MYRIP: variants seen among roughly 807,000 people sequenced by gnomAD.
MYRIP encodes the protein myosin VIIA and Rab interacting protein, also known as rab effector MyRIP.
MYRIP carries 49 observed loss-of-function variants against 98.0 expected under a neutral mutation model. The observed-to-expected ratio is 0.50, with a 90% CI of 0.40 to 0.63. The LOEUF (loss-of-function observed/expected upper bound fraction) is 0.63, where lower values mean the gene tolerates loss of function less well. MYRIP is among the 30% of genes least tolerant of loss of function. MYRIP has a pLI of 0.00. For synonymous variants in MYRIP, 404 were observed against 409.5 expected (o/e 0.99, Z 0.16); for missense variants, 1,004 against 1,058.2 (o/e 0.95, Z 0.71).
chr3:40,145,615 G>T (rs1194104827), intron 3 of MYRIP, among the ~76,000 whole-genome samples: 1 of 152,158 alleles, frequency 6.6e-6, no homozygotes, highest in African/African-American at 2.4e-5. Flanking sequence ...TCACACCATG[G>T]GTGGGAAGTG....
chr3:40,212,604 A>G (rs1951995477), intron 11 of MYRIP, among the ~76,000 whole-genome samples: 1 of 152,078 alleles, frequency 6.6e-6, no homozygotes, highest in African/African-American at 2.4e-5. Flanking sequence ...ACCCATCTCT[A>G]CTAAAAAATT....
At chr3:39,993,723 T>C (rs898573255) in intron 2 of MYRIP, among the ~76,000 whole-genome samples, 33 of 152,206 alleles carry the variant, frequency 2.2e-4, no homozygotes, top group African/African-American at 6.5e-4. Flanking sequence ...TACTTCTCTG[T>C]CTTCCCCCTT....
intron 1 of MYRIP, among the ~76,000 whole-genome samples, chr3:39,832,446 T>C (rs1185775543): frequency 6.6e-5 from 10 of 152,168 alleles, no homozygotes; most frequent in Admixed American, 6.6e-4. Flanking sequence ...TCAAAAAAGC[T>C]TTTTGGACTT....
chr3:40,056,524 C>T (rs1947888638), intron 3 of MYRIP, among the ~76,000 whole-genome samples: 1 of 152,174 alleles, frequency 6.6e-6, no homozygotes, highest in Admixed American at 6.6e-5. Context: ...TGTTTCCCAG[C>T]TGCTGTAGGG....
rs1491206086 is a variant in MYRIP at position 40,212,126 on chromosome 3, ACG to A, written c.1905+2034_1905+2035del. On this transcript the variant is annotated intron_variant, in intron 11 of 16. Transcript: ENST00000302541. Reference sequence around the variant, plus strand: ...TGTGTATATATATATACATATATATACGTGTATATATATATACATATATATAC... The same window carrying A: ...TGTGTATATATATATACATATATATATGTATATATATATACATATATATAC... 1.5e-4 allele frequency among the ~76,000 whole-genome samples: 3 copies of A among 20,224 alleles called. 1 individual carries two copies. The highest frequency in any genetic ancestry group is 3.2e-4 in the African/African-American group (3 of 9,426). 13.3% of individuals were successfully genotyped at this position (20,224 alleles called of 152,430 possible).
At chr3:40,160,697 T>C (rs1461298050) in intron 4 of MYRIP, among the ~76,000 whole-genome samples, 3 of 152,212 alleles carry the variant, frequency 2.0e-5, no homozygotes, top group Non-Finnish European at 4.4e-5. Flanking sequence ...AATCTCCTAG[T>C]GCGCCATTTT....
chr3:39,952,715 G>A (rs1945054572), intron 2 of MYRIP, among the ~76,000 whole-genome samples: 1 of 152,164 alleles, frequency 6.6e-6, no homozygotes, highest in Non-Finnish European at 1.5e-5. Context: ...TGAAGGATTG[G>A]TAGTAATGAA....
chr3:40,189,611 T>C (rs1951143570), intron 9 of MYRIP, among the ~76,000 whole-genome samples: 1 of 152,216 alleles, frequency 6.6e-6, no homozygotes, highest in South Asian at 2.1e-4. Flanking sequence ...TTTCTCTGCA[T>C]CTGTGAAGCA....
At chr3:39,903,310 A>G (rs9878141) in intron 2 of MYRIP, among the ~76,000 whole-genome samples, 2,781 of 152,324 alleles carry the variant, frequency 0.018, 83 homozygotes, top group African/African-American at 0.063. Flanking sequence ...GTATTTTAGA[A>G]TTATAGAAAG....
At chr3:40,192,309 C>CATATATATATATGACATATATATAT (rs1951238964) in intron 10 of MYRIP, among the ~76,000 whole-genome samples, 6 of 57,954 alleles carry the variant, frequency 1.0e-4, no homozygotes, top group Non-Finnish European at 1.4e-4. Flanking sequence ...TAGTTTTCTT[C>CATATATATATATGACATATATATAT]ATATATATAT....
intron 10 of MYRIP, among the ~76,000 whole-genome samples, chr3:40,196,621 A>T (rs548431304): frequency 6.6e-6 from 1 of 152,344 alleles, no homozygotes; most frequent in South Asian, 2.1e-4. Flanking sequence ...ATGATTTAAT[A>T]AATGATCAGT....
chr3:40,022,015 G>A (rs1250368643), intron 2 of MYRIP, among the ~76,000 whole-genome samples: 1 of 152,206 alleles, frequency 6.6e-6, no homozygotes, highest in Admixed American at 6.5e-5. Context: ...AGGAAGAATT[G>A]ATCAAATGTT....
chr3:40,132,158 T>C (rs967209078), intron 3 of MYRIP, among the ~76,000 whole-genome samples: 4 of 152,032 alleles, frequency 2.6e-5, no homozygotes, highest in Admixed American at 6.5e-5. Flanking sequence ...AGACACCAAG[T>C]AATAAGGTAA....
intron 8 of MYRIP, among the ~76,000 whole-genome samples, chr3:40,181,084 CTTTCTT>C (rs1160086963): frequency 6.6e-6 from 1 of 152,154 alleles, no homozygotes; most frequent in African/African-American, 2.4e-5. Context: ...TGCTGTCTTT[CTTTCTT>C]TGTTATTCTC....
At chr3:40,017,693 CTTTTT>C (rs904657247) in intron 2 of MYRIP, among the ~76,000 whole-genome samples, 35 of 114,772 alleles carry the variant, frequency 3.0e-4, no homozygotes, top group African/African-American at 1.1e-3. Flanking sequence ...TAATTTACTT[CTTTTT>C]TTTTTTTTTT....
chr3:40,118,527 T>G (rs1463544426), intron 3 of MYRIP, among the ~76,000 whole-genome samples: 1 of 151,930 alleles, frequency 6.6e-6, no homozygotes, highest in Non-Finnish European at 1.5e-5. Context: ...TAAACAGGAA[T>G]GAGGAAACTT....
At chr3:40,132,195 T>TA (rs1203648281) in intron 3 of MYRIP, among the ~76,000 whole-genome samples, 2 of 152,012 alleles carry the variant, frequency 1.3e-5, no homozygotes, top group Non-Finnish European at 2.9e-5. Flanking sequence ...AAAAAAGACT[T>TA]AGAGGGTTTA....
intron 10 of MYRIP, among the ~76,000 whole-genome samples, chr3:40,194,966 C>A (rs1951347801): frequency 6.6e-6 from 1 of 152,154 alleles, no homozygotes; most frequent in African/African-American, 2.4e-5. Flanking sequence ...CTTAGCTATT[C>A]CAGATAGATA....
chr3:39,888,191 A>G (rs1234567654), intron 1 of MYRIP, among the ~76,000 whole-genome samples: 2 of 152,148 alleles, frequency 1.3e-5, no homozygotes, highest in African/African-American at 4.8e-5. Flanking sequence ...TAAAGTTCAT[A>G]TGGAACCAAA....
Sources: gnomAD v4.1 joint callset for allele counts (sites outside exome capture counted in the v4.1 genomes callset) on GRCh38, gnomAD v4.1.1 for gene constraint, MANE v1.5 for transcripts, NCBI Gene and HGNC (gene_info 2026-07-23, HGNC 2026-07-21) for gene names.